Variants in EPHA6 observed in about 807,000 individuals in gnomAD.
EPHA6 encodes EPH receptor A6.
A neutral mutation model predicts 112.0 loss-of-function variants in EPHA6; 50 were observed. The ratio of observed to expected loss-of-function variants is 0.45; its 90% CI spans 0.36 to 0.56. The LOEUF (loss-of-function observed/expected upper bound fraction) is 0.56. EPHA6 is among the 20% of genes least tolerant of loss of function. The pLI is 0.00. For synonymous variants in EPHA6, 529 were observed against 490.7 expected (o/e 1.08, Z -1.03); for missense variants, 1,280 against 1,417.4 (o/e 0.90, Z 1.56).
chr3:97,448,135 G>C (rs573622799), intron 6 of EPHA6, among the ~76,000 whole-genome samples: 3 of 152,034 alleles, frequency 2.0e-5, no homozygotes, highest in Non-Finnish European at 2.9e-5. Flanking sequence ...GTCTACCCAC[G>C]GATAGCGCCG....
intron 2 of EPHA6, among the ~76,000 whole-genome samples, chr3:96,958,253 G>T (rs539124366): frequency 2.2e-4 from 33 of 150,998 alleles, no homozygotes; most frequent in African/African-American, 8.0e-4. Context: ...CCCCGCCATT[G>T]CACTCCAGCC....
intron 5 of EPHA6, among the ~76,000 whole-genome samples, chr3:97,324,433 C>CTT (rs765306914): frequency 2.7e-5 from 4 of 145,618 alleles, no homozygotes; most frequent in South Asian, 2.2e-4. Context: ...TTCTTTCTTT[C>CTT]TTTCTTTCTT....
intron 5 of EPHA6, among the ~76,000 whole-genome samples, chr3:97,360,277 C>T (rs889248393): frequency 6.6e-6 from 1 of 152,142 alleles, no homozygotes; most frequent in Non-Finnish European, 1.5e-5. Flanking sequence ...CTGAATATTG[C>T]AATTCTTCAG....
At chr3:96,836,765 C>A (rs943829430) in intron 1 of EPHA6, among the ~76,000 whole-genome samples, 4 of 152,102 alleles carry the variant, frequency 2.6e-5, no homozygotes, top group African/African-American at 9.7e-5. Flanking sequence ...ACACTTCAGT[C>A]CTGCAGCAGC....
chr3:96,832,003 T>G (rs1320085107), intron 1 of EPHA6, among the ~76,000 whole-genome samples: 1 of 152,014 alleles, frequency 6.6e-6, no homozygotes, highest in African/African-American at 2.4e-5. Context: ...TGGCCTTGAG[T>G]GGGTCAAGCC....
intron 5 of EPHA6, among the ~76,000 whole-genome samples, chr3:97,339,195 A>C (rs1057383586): frequency 6.6e-6 from 1 of 152,160 alleles, no homozygotes; most frequent in Admixed American, 6.6e-5. Flanking sequence ...AATCACATGG[A>C]CTTTGGAGAG....
chr3:97,122,016 C>G (rs1460652228), intron 3 of EPHA6, among the ~76,000 whole-genome samples: 1 of 151,940 alleles, frequency 6.6e-6, no homozygotes, highest in African/African-American at 2.4e-5. Flanking sequence ...TTGTATATGT[C>G]TTCATTAATT....
intron 13 of EPHA6, among the ~76,000 whole-genome samples, chr3:97,619,439 G>GC (rs1215895907): frequency 6.7e-6 from 1 of 148,620 alleles, no homozygotes. Flanking sequence ...AAAAAGGGGG[G>GC]GGGGGGCATC....
intron 3 of EPHA6, among the ~76,000 whole-genome samples, chr3:97,108,247 A>G (rs1432055975): frequency 1.3e-5 from 2 of 152,168 alleles, no homozygotes; most frequent in African/African-American, 4.8e-5. Context: ...AACACATGAA[A>G]ACAATATGCT....
At chr3:97,734,242 G>A (rs1430376384) in intron 15 of EPHA6, among the ~76,000 whole-genome samples, 1 of 152,032 alleles carries the variant, frequency 6.6e-6, no homozygotes, top group African/African-American at 2.4e-5. Context: ...CTGGAAAATT[G>A]ACTATCAAGC....
chr3:97,110,113 A>T (rs561164691), intron 3 of EPHA6, among the ~76,000 whole-genome samples: 1 of 152,280 alleles, frequency 6.6e-6, no homozygotes, highest in Non-Finnish European at 1.5e-5. Flanking sequence ...TATATGGTTT[A>T]GATACTTTGC....
chr3:97,051,518 C>T (rs2045684690), intron 3 of EPHA6, among the ~76,000 whole-genome samples: 1 of 152,096 alleles, frequency 6.6e-6, no homozygotes, highest in Non-Finnish European at 1.5e-5. Flanking sequence ...ATGTCACCTA[C>T]ATAGAATAAC....
At chr3:96,903,188 G>A (rs2038714152) in intron 2 of EPHA6, among the ~76,000 whole-genome samples, 1 of 152,090 alleles carries the variant, frequency 6.6e-6, no homozygotes, top group African/African-American at 2.4e-5. Context: ...TCTTGGGAGA[G>A]GTGTAATATA....
chr3:97,192,527 A>C (rs963817117), intron 3 of EPHA6, among the ~76,000 whole-genome samples: 5 of 152,034 alleles, frequency 3.3e-5, no homozygotes, highest in African/African-American at 7.2e-5. Flanking sequence ...CTGGTTATTA[A>C]TCCTTTATCA....
At chr3:97,248,071 C>G (rs975338583) in intron 5 of EPHA6, among the ~76,000 whole-genome samples, 1 of 151,796 alleles carries the variant, frequency 6.6e-6, no homozygotes, top group Non-Finnish European at 1.5e-5. Context: ...ATTGTTTGCT[C>G]TGTTTATAAT....
intron 2 of EPHA6, among the ~76,000 whole-genome samples, chr3:96,944,646 A>G (rs2041156685): frequency 6.6e-6 from 1 of 152,166 alleles, no homozygotes; most frequent in Non-Finnish European, 1.5e-5. Flanking sequence ...ATCAAGAGAT[A>G]TGCAGTTTTC....
At chr3:96,952,995 A>G (rs1449204417) in intron 2 of EPHA6, among the ~76,000 whole-genome samples, 1 of 152,168 alleles carries the variant, frequency 6.6e-6, no homozygotes, top group Non-Finnish European at 1.5e-5. Flanking sequence ...AACCTGCACA[A>G]GTACCCCTAA....
intron 11 of EPHA6, among the ~76,000 whole-genome samples, chr3:97,553,831 C>G (rs1330902318): frequency 6.6e-6 from 1 of 152,104 alleles, no homozygotes; most frequent in Non-Finnish European, 1.5e-5. Context: ...CATCATGTGG[C>G]ATTTCCCAAA....
At chr3:97,148,588 C>A (rs572279455) in intron 3 of EPHA6, among the ~76,000 whole-genome samples, 2 of 151,878 alleles carry the variant, frequency 1.3e-5, no homozygotes, top group Admixed American at 6.6e-5. Flanking sequence ...TGAGATGATG[C>A]GAATGCTTTT....
Sources: allele counts gnomAD v4.1 joint callset (sites outside exome capture counted in the v4.1 genomes callset), GRCh38; gene constraint gnomAD v4.1.1; transcripts MANE v1.5; gene names NCBI Gene and HGNC (gene_info 2026-07-23, HGNC 2026-07-21).